Variants in KPRP observed in about 807,000 individuals in gnomAD.
KPRP encodes the protein keratinocyte proline-rich protein.
For missense variants in KPRP, 820 were observed against 746.4 expected, an observed-to-expected ratio of 1.10 and a Z score of -1.15; for synonymous variants, 282 against 276.9, an observed-to-expected ratio of 1.02 and a Z score of -0.18.
At chr1:152,759,786 G>T (rs1388545574) in exon 1 of KPRP, 1 of 1,613,980 alleles carries the variant, frequency 6.2e-7, no homozygotes, top group Admixed American at 1.7e-5. Flanking sequence ...CTCCATGCCA[G>T]TCTCAGACCA....
At position 152,761,037 on chromosome 1, in the gene KPRP, G is replaced by C. The variant is rs746228067; in HGVS notation, c.1449G>C (p.Ala483=). Residue 483 remains alanine, a synonymous_variant, in exon 1 of 1, where the codon GCG becomes GCC. Transcript: ENST00000606109. ...GACCAGAGCCAATTCCCCTGCCGGC[G>C]CCCTGCCCAAGCCCGGAGCCCTGCA... 2.5e-6 allele frequency: 4 copies of C among 1,613,224 alleles called. No individual in the cohort carries two copies. In the African/African-American group the frequency reaches 4.0e-5, roughly 16 times the overall value.
exon 1 of KPRP, chr1:152,759,742 T>C: frequency 1.2e-6 from 2 of 1,614,186 alleles, no homozygotes; most frequent in Non-Finnish European, 1.7e-6. Context: ...CCCTGCATCA[T>C]GCCCAGTTCA....
exon 1 of KPRP, chr1:152,759,728 A>G: frequency 6.2e-7 from 1 of 1,614,164 alleles, no homozygotes; most frequent in Non-Finnish European, 8.5e-7. Flanking sequence ...CAAATTGTGG[A>G]CTGCCCTGCA....
At chr1:152,760,950 G>C in exon 1 of KPRP, 1 of 1,612,710 alleles carries the variant, frequency 6.2e-7, no homozygotes. Context: ...GCCCAGGGCA[G>C]TGTGAGATTC....
At chr1:152,759,659 G>A (rs1651043216) in exon 1 of KPRP, 12 of 1,614,028 alleles carry the variant, frequency 7.4e-6, no homozygotes, top group Non-Finnish European at 9.3e-6. Flanking sequence ...CCCTCCTTCT[G>A]CTCCTCTCAA....
At chr1:152,761,234 A>T in exon 1 of KPRP, 1 of 1,614,112 alleles carries the variant, frequency 6.2e-7, no homozygotes, top group South Asian at 1.1e-5. Context: ...GGGCCTGGTG[A>T]TGTGTTTCCA....
At chr1:152,760,598 A>G (rs1210699073) in exon 1 of KPRP, 1 of 1,608,890 alleles carries the variant, frequency 6.2e-7, no homozygotes. Context: ...TGCCCCAGGC[A>G]GGTTCCCCCA....
chr1:152,759,424 C>T (rs893316649), upstream of KPRP: 11 of 1,216,066 alleles, frequency 9.0e-6, no homozygotes, highest in Admixed American at 1.1e-4. Flanking sequence ...AATCCTGGGT[C>T]GAACTAAGTC....
exon 1 of KPRP, chr1:152,760,915 A>C (rs750438053): frequency 1.2e-6 from 2 of 1,613,826 alleles, no homozygotes; most frequent in Admixed American, 1.7e-5. Flanking sequence ...ACTACGTCCA[A>C]CACCGCGGCC....
At chr1:152,760,775 T>G in exon 1 of KPRP, 1 of 1,614,192 alleles carries the variant, frequency 6.2e-7, no homozygotes, top group Non-Finnish European at 8.5e-7. Flanking sequence ...GAGTCACCAC[T>G]GCAGCGATGT....
chr1:152,759,000 A>G (rs1360013709), upstream of KPRP, among the ~76,000 whole-genome samples: 2 of 152,266 alleles, frequency 1.3e-5, no homozygotes, highest in African/African-American at 4.8e-5. Context: ...TTATCTAAAA[A>G]CATTGAATAT....
At chr1:152,761,055 G>T in exon 1 of KPRP, 2 of 1,613,892 alleles carry the variant, frequency 1.2e-6, no homozygotes, top group Non-Finnish European at 1.7e-6. Context: ...CAAGCCCGGA[G>T]CCCTGCAGGG....
At chr1:152,760,331 G>T in exon 1 of KPRP, 2 of 1,614,064 alleles carry the variant, frequency 1.2e-6, no homozygotes, top group South Asian at 2.2e-5. Context: ...GAACAGCACC[G>T]CTCTCGGAGC....
chr1:152,760,023 T>C, exon 1 of KPRP: 2 of 1,614,200 alleles, frequency 1.2e-6, no homozygotes, highest in Non-Finnish European at 1.7e-6. Flanking sequence ...AAACTTGTTA[T>C]GTAGAATGCC....
chr1:152,761,075 G>C, exon 1 of KPRP: 1 of 1,613,966 alleles, frequency 6.2e-7, no homozygotes, highest in South Asian at 1.1e-5. Context: ...GAGACTTGGC[G>C]CAGCCCCAGC....
upstream of KPRP, among the ~76,000 whole-genome samples, chr1:152,758,171 G>A (rs1486479975): frequency 4.6e-5 from 7 of 152,296 alleles, no homozygotes; most frequent in South Asian, 2.1e-4. Context: ...CAGGGAGGGC[G>A]AGGGGTGCAT....
chr1:152,758,242 C>T (rs1410137587), upstream of KPRP, among the ~76,000 whole-genome samples: 1 of 152,152 alleles, frequency 6.6e-6, no homozygotes. Flanking sequence ...ACAGAGTTTA[C>T]GAGATGAGCT....
Position 152,759,703 on chromosome 1 carries a change from GC to G in KPRP, c.119del (p.Pro40LeufsTer33), listed in dbSNP as rs755444414. On this transcript the variant is annotated frameshift_variant, in exon 1 of 1. Coordinates refer to ENST00000606109, the Ensembl canonical transcript of KPRP. LOFTEE classifies it low-confidence loss of function (END_TRUNC). ...TGCCCAGAGCCAAGTGGTGGTTCAA[GC>G]CCCTTGTGAGATGCAAATTGTGGAC... 1 of 1,614,158 alleles carries G rather than the reference GC, an allele frequency of 6.2e-7. No individual in the cohort carries two copies. The highest frequency in any genetic ancestry group is 1.3e-5 in the African/African-American group (1 of 75,030).
At chr1:152,760,261 A>C in exon 1 of KPRP, 2 of 1,613,836 alleles carry the variant, frequency 1.2e-6, no homozygotes, top group Non-Finnish European at 1.7e-6. Context: ...TCGGTCCCGG[A>C]CTTCATTTAG....
Sources: allele counts gnomAD v4.1 joint callset (sites outside exome capture counted in the v4.1 genomes callset), GRCh38; gene constraint gnomAD v4.1.1; transcripts MANE v1.5; gene names NCBI Gene and HGNC (gene_info 2026-07-23, HGNC 2026-07-21).